Variants in DLC1 observed in about 807,000 individuals in gnomAD.
DLC1 encodes the protein rho GTPase-activating protein 7.
Under a neutral mutation model 140.3 loss-of-function variants are expected in DLC1, and 54 were observed. The ratio of observed to expected loss-of-function variants is 0.38; its 90% CI spans 0.31 to 0.48. The LOEUF (loss-of-function observed/expected upper bound fraction) is 0.48, where lower values mean the gene tolerates loss of function less well. Among genes scored for constraint, DLC1 ranks in the 20% least tolerant of loss-of-function variants. The probability of loss-of-function intolerance (pLI) is 0.96; values close to 1 mark genes in which losing one functional copy is unlikely to be tolerated. For synonymous variants in DLC1, 986 were observed against 728.1 expected, an observed-to-expected ratio of 1.35 and a Z score of -5.70; for missense variants, 2,536 against 1,907.0, an observed-to-expected ratio of 1.33 and a Z score of -6.14.
chr8:13,131,347 A>G (rs560164997), intron 5 of DLC1, among the ~76,000 whole-genome samples: 6 of 149,914 alleles, frequency 4.0e-5, no homozygotes, highest in East Asian at 3.9e-4. Flanking sequence ...ATTTTGGAGG[A>G]AAAAAAAAAT....
At chr8:13,412,480 G>A (rs1837822993) in intron 2 of DLC1, among the ~76,000 whole-genome samples, 1 of 152,018 alleles carries the variant, frequency 6.6e-6, no homozygotes, top group Non-Finnish European at 1.5e-5. Context: ...TTTGCTAGTA[G>A]CCAAAGAACT....
chr8:13,567,157 G>C (rs1445686028), intron 1 of DLC1: 2 of 1,551,800 alleles, frequency 1.3e-6, no homozygotes, highest in African/African-American at 1.4e-5. Flanking sequence ...GAGCAAACTG[G>C]AGAGGGAAAA....
intron 3 of DLC1, among the ~76,000 whole-genome samples, chr8:13,394,198 G>C (rs1439953398): frequency 1.3e-5 from 2 of 152,160 alleles, no homozygotes; most frequent in Non-Finnish European, 2.9e-5. Context: ...CGGTGGCCTG[G>C]AATATTTGAG....
chr8:13,563,811 A>G (rs1446959667), intron 1 of DLC1, among the ~76,000 whole-genome samples: 1 of 152,224 alleles, frequency 6.6e-6, no homozygotes, highest in African/African-American at 2.4e-5. Flanking sequence ...ATCTGAATGT[A>G]TTTGTTAAAC....
intron 4 of DLC1, among the ~76,000 whole-genome samples, chr8:13,318,988 G>A (rs916397233): frequency 6.6e-6 from 1 of 152,172 alleles, no homozygotes; most frequent in Non-Finnish European, 1.5e-5. Context: ...AATTGAGTGA[G>A]GTTAACTCCA....
At chr8:13,401,327 T>C in intron 3 of DLC1, 143 bp downstream of exon 3, 1 of 951,570 alleles carries the variant, frequency 1.1e-6, no homozygotes, top group Non-Finnish European at 1.5e-6. Flanking sequence ...TGCATAGAAG[T>C]ATTTTGGTTA....
intron 4 of DLC1, among the ~76,000 whole-genome samples, chr8:13,347,154 A>G (rs1034649873): frequency 3.3e-5 from 5 of 152,188 alleles, no homozygotes; most frequent in African/African-American, 1.2e-4. Context: ...GGGTCACGGA[A>G]TATGTTCCCC....
At chr8:13,278,350 A>C (rs1831248800) in intron 5 of DLC1, among the ~76,000 whole-genome samples, 1 of 152,186 alleles carries the variant, frequency 6.6e-6, no homozygotes, top group Admixed American at 6.5e-5. Flanking sequence ...GGCACCTTGA[A>C]GCGTGTTGAA....
At chr8:13,455,629 C>G (rs997175705) in intron 2 of DLC1, among the ~76,000 whole-genome samples, 2 of 152,230 alleles carry the variant, frequency 1.3e-5, no homozygotes, top group Non-Finnish European at 2.9e-5. Flanking sequence ...GAATTCTTCT[C>G]TGGCCACCCT....
chr8:13,509,037 C>A (rs1341461934), intron 1 of DLC1, among the ~76,000 whole-genome samples: 1 of 152,022 alleles, frequency 6.6e-6, no homozygotes, highest in African/African-American at 2.4e-5. Context: ...TGTGGCTGAC[C>A]TTTTTATTAT....
chr8:13,276,221 T>C (rs1437475992), intron 5 of DLC1: 2 of 1,531,298 alleles, frequency 1.3e-6, no homozygotes, highest in Non-Finnish European at 1.7e-6. Flanking sequence ...TTCTTTTTAA[T>C]ACCCCTCACC....
Position 13,461,891 on chromosome 8 carries a change from T to G in DLC1, c.1023+37158A>C, listed in dbSNP as rs289533. Among the ~76,000 whole-genome samples the G allele has an allele frequency of 4.6e-5, 7 of 152,122 alleles. No individual in the cohort carries two copies. The East Asian group carries it at 1.4e-3, about 30-fold the overall frequency. On this transcript the variant is annotated intron_variant, in intron 2 of 17. Transcript: ENST00000276297. ...GTATTTGAGGATGCAGCCTGTGACA[T>G]GCTGTGTGATGCTTCTGTGGATCTA...
chr8:13,590,463 T>C (rs1463696445), intron 1 of DLC1, among the ~76,000 whole-genome samples: 3 of 152,124 alleles, frequency 2.0e-5, no homozygotes, highest in Non-Finnish European at 4.4e-5. Context: ...GCTGGTTCTT[T>C]GGACACTTCA....
chr8:13,408,751 C>G lies in DLC1; in HGVS notation c.1024-7132G>C, dbSNP rs540815923. 2.6e-5 allele frequency among the ~76,000 whole-genome samples: 4 copies of G among 152,128 alleles called. No homozygotes were observed. The East Asian group carries it at 7.7e-4, about 29-fold the overall frequency. ...CTGCTGAGCTGATATGTATTCCATA[C>G]TATCATGCTTATGTGGTATCTGCCA... is the stretch of plus-strand genomic sequence containing the variant. On this transcript the variant is annotated intron_variant, in intron 2 of 17. Coordinates refer to ENST00000276297, the MANE Select transcript of DLC1 (RefSeq NM_182643.3).
At chr8:13,204,714 C>A (rs1394688055) in intron 5 of DLC1, among the ~76,000 whole-genome samples, 1 of 152,088 alleles carries the variant, frequency 6.6e-6, no homozygotes, top group Non-Finnish European at 1.5e-5. Flanking sequence ...AACATAACAT[C>A]TTTTTAAATA....
chr8:13,188,844 T>TATATATATATGTATATATA (rs1491498157), intron 5 of DLC1, among the ~76,000 whole-genome samples: 1 of 25,840 alleles, frequency 3.9e-5, no homozygotes, highest in East Asian at 6.9e-3. Context: ...TATATATATA[T>TATATATATATGTATATATA]TTTTTTTTTT....
intron 4 of DLC1, among the ~76,000 whole-genome samples, chr8:13,362,293 G>C (rs1483410704): frequency 6.6e-6 from 1 of 152,206 alleles, no homozygotes; most frequent in Non-Finnish European, 1.5e-5. Flanking sequence ...ACTGGAGAAA[G>C]AGCCCAGTGT....
At chr8:13,099,202 G>A (rs759897680) in intron 9 of DLC1, 145 bp downstream of exon 9, 23 of 1,439,046 alleles carry the variant, frequency 1.6e-5, no homozygotes, top group Middle Eastern at 3.6e-4. Context: ...TTGAATTTTG[G>A]TGCTTCCTGG....
chr8:13,562,341 C>T (rs1221056807), intron 1 of DLC1, among the ~76,000 whole-genome samples: 1 of 151,488 alleles, frequency 6.6e-6, no homozygotes, highest in African/African-American at 2.4e-5. Context: ...AATAATATTT[C>T]CAACATATGA....
Sources: allele counts gnomAD v4.1 joint callset (sites outside exome capture counted in the v4.1 genomes callset), GRCh38; gene constraint gnomAD v4.1.1; transcripts MANE v1.5; gene names NCBI Gene and HGNC (gene_info 2026-07-23, HGNC 2026-07-21).